Variants in LOXHD1 observed in about 807,000 individuals in gnomAD.
The protein encoded by LOXHD1 is lipoxygenase homology domain-containing protein 1.
Under a neutral mutation model 248.2 loss-of-function variants are expected in LOXHD1, and 205 were observed. That is an observed-to-expected ratio of 0.83 (90% CI 0.74 to 0.93). The LOEUF is 0.93. Among genes scored for constraint, LOXHD1 ranks in the 40% least tolerant of loss-of-function variants. LOXHD1 has a pLI of 0.00. For missense variants in LOXHD1, 2,930 were observed against 2,971.6 expected (o/e 0.99, Z 0.33); for synonymous variants, 1,113 against 1,162.8 (o/e 0.96, Z 0.87).
intron 7 of LOXHD1, among the ~76,000 whole-genome samples, chr18:46,603,079 G>C (rs929089306): frequency 5.9e-5 from 9 of 152,280 alleles, no homozygotes; most frequent in Admixed American, 4.6e-4. Flanking sequence ...GAGCATTTAG[G>C]CTTCTGAACA....
intron 12 of LOXHD1, 146 bp downstream of exon 12, chr18:46,591,787 G>A: frequency 1.0e-6 from 1 of 985,268 alleles, no homozygotes; most frequent in Non-Finnish European, 1.5e-6. Flanking sequence ...CCAGTCTTGA[G>A]GCAGGGACCT....
At chr18:46,530,046 C>T (rs2035995008) in intron 28 of LOXHD1, among the ~76,000 whole-genome samples, 1 of 152,178 alleles carries the variant, frequency 6.6e-6, no homozygotes, top group Non-Finnish European at 1.5e-5. Context: ...AATAAAACAT[C>T]TCCTTTCCTA....
chr18:46,608,255 A>C (rs2038452101), intron 6 of LOXHD1, among the ~76,000 whole-genome samples: 1 of 152,210 alleles, frequency 6.6e-6, no homozygotes, highest in South Asian at 2.1e-4. Flanking sequence ...AAGTTAACGG[A>C]ATACAATCCA....
Position 46,579,632 on chromosome 18 carries a change from T to A in LOXHD1, c.1807A>T (p.Asn603Tyr). Residue 603 changes from asparagine (N) to tyrosine (Y), a missense_variant and splice_region_variant, in exon 13 of 41, where the codon AAT becomes TAT. Coordinates refer to ENST00000642948, the MANE Select transcript of LOXHD1 (RefSeq NM_001384474.1). ...RNNTDLFEKGNADEFTIESVT... is the reference protein window; with the variant it reads ...RNNTDLFEKGYADEFTIESVT... ...TGGGGCACATTGCTGTAACTTACAT[T>A]GCCCTTTTCAAACAGGTCTGTGTTA... 3 of 1,551,686 alleles carry A rather than the reference T, an allele frequency of 1.9e-6. No individual in the cohort carries two copies.
Position 46,518,377 on chromosome 18 carries a change from C to G in LOXHD1, c.5272-121G>C, listed in dbSNP as rs1359040634. 37 of 1,239,692 alleles carry G rather than the reference C, an allele frequency of 3.0e-5. 1 individual carries two copies. The Admixed American group carries it at 8.9e-4, about 30-fold the overall frequency. 76.8% of individuals were successfully genotyped at this position (1,239,692 alleles called of 1,614,324 possible). On this transcript the variant is annotated intron_variant, in intron 33 of 40. Transcript: ENST00000642948. ...AAGTTCCACAGCTCTGGAAAGAGCC[C>G]TTCCTCAAATCAACTGTAAATGCCT... is the stretch of plus-strand genomic sequence containing the variant.
intron 37 of LOXHD1, among the ~76,000 whole-genome samples, chr18:46,494,849 CTTTTTT>C (rs58016824): frequency 1.8e-4 from 17 of 96,550 alleles, no homozygotes; most frequent in South Asian, 7.8e-4. Context: ...TTCTCTCTCT[CTTTTTT>C]TTTTTTTTTT....
intron 16 of LOXHD1, among the ~76,000 whole-genome samples, chr18:46,566,847 T>C (rs1345990928): frequency 6.6e-6 from 1 of 152,228 alleles, no homozygotes; most frequent in Non-Finnish European, 1.5e-5. Flanking sequence ...TTTGGTTTGG[T>C]TTTGAACAAT....
At chr18:46,567,638 C>A (rs1227832980) in intron 16 of LOXHD1, among the ~76,000 whole-genome samples, 1 of 152,254 alleles carries the variant, frequency 6.6e-6, no homozygotes, top group Non-Finnish European at 1.5e-5. Flanking sequence ...CAACACTTCA[C>A]ACCTGACATA....
At position 46,597,542 on chromosome 18, in the gene LOXHD1, GCGCACACACACACA is replaced by G. The variant is rs1248059166; in HGVS notation, c.1135-3090_1135-3077del. ...GGTATATATTTCAATAGTGGTACATGCGCACACACACACACACACACACACACACACACACACCC... is the reference window on the plus strand; with the variant it reads ...GGTATATATTTCAATAGTGGTACATGCACACACACACACACACACACACCC... On this transcript the variant is annotated intron_variant, in intron 8 of 40. Transcript: ENST00000642948. Among the ~76,000 whole-genome samples the G allele has an allele frequency of 1.6e-4, 10 of 61,132 alleles. No individual in the cohort carries two copies. In the South Asian group the frequency reaches 2.8e-3, roughly 17 times the overall value. 40.1% of individuals were successfully genotyped at this position (61,132 alleles called of 152,430 possible).
At chr18:46,548,773 C>A (rs898972430) in intron 21 of LOXHD1, among the ~76,000 whole-genome samples, 2 of 151,940 alleles carry the variant, frequency 1.3e-5, no homozygotes, top group Non-Finnish European at 2.9e-5. Flanking sequence ...AAAGAAAGAG[C>A]CAGGGAGGGA....
At chr18:46,580,586 G>A (rs1204867427) in intron 12 of LOXHD1, among the ~76,000 whole-genome samples, 2 of 152,198 alleles carry the variant, frequency 1.3e-5, no homozygotes, top group Non-Finnish European at 2.9e-5. Flanking sequence ...AGCCTAGTAG[G>A]TGCCAGGCAC....
intron 37 of LOXHD1, among the ~76,000 whole-genome samples, chr18:46,490,423 A>G (rs1427631031): frequency 1.3e-5 from 2 of 152,262 alleles, no homozygotes; most frequent in Non-Finnish European, 2.9e-5. Context: ...AACAGCACCA[A>G]TAGAGTTAAG....
intron 26 of LOXHD1, among the ~76,000 whole-genome samples, chr18:46,535,209 C>A (rs2036254579): frequency 1.3e-5 from 2 of 152,108 alleles, no homozygotes. Flanking sequence ...AAGGCAGGCA[C>A]CATTTTGCTC....
chr18:46,484,938 C>T lies in LOXHD1; in HGVS notation c.6182+81G>A, dbSNP rs2032912977. The T allele has an allele frequency of 1.3e-5, 20 of 1,501,302 alleles. No homozygotes were observed. In the South Asian group the frequency reaches 1.5e-4, roughly 11 times the overall value. 93.0% of individuals were successfully genotyped at this position (1,501,302 alleles called of 1,614,324 possible). A position where few individuals can be genotyped will look rare whatever the true frequency, so the allele number is the denominator to read the frequency against. ...GTTAGGCCCATTTGTGTACCTATGG[C>T]TCCCACCCAAGAGGGAGATTCTCGG... On this transcript the variant is annotated intron_variant, in intron 39 of 40. Coordinates refer to ENST00000642948, the MANE Select transcript of LOXHD1 (RefSeq NM_001384474.1).
At chr18:46,626,319 C>G (rs2144346709) in intron 4 of LOXHD1, among the ~76,000 whole-genome samples, 1 of 150,708 alleles carries the variant, frequency 6.6e-6, no homozygotes, top group Middle Eastern at 3.4e-3. Flanking sequence ...TGGGATTATA[C>G]TTGAAGTCAG....
chr18:46,579,090 CT>C (rs2037912898), intron 13 of LOXHD1, among the ~76,000 whole-genome samples: 1 of 152,224 alleles, frequency 6.6e-6, no homozygotes, highest in African/African-American at 2.4e-5. Context: ...CTTGATTTCT[CT>C]TTCCTAAAGG....
intron 22 of LOXHD1, among the ~76,000 whole-genome samples, chr18:46,545,623 A>ATTTTTTTTTTTTTTTT (rs1555676193): frequency 1.2e-5 from 1 of 86,052 alleles, no homozygotes; most frequent in African/African-American, 4.6e-5. Context: ...CCTCTTGGCC[A>ATTTTTTTTTTTTTTTT]TTTCTTTTTT....
chr18:46,497,413 T>C (rs1383562116), intron 37 of LOXHD1, among the ~76,000 whole-genome samples: 1 of 152,106 alleles, frequency 6.6e-6, no homozygotes, highest in Admixed American at 6.5e-5. Flanking sequence ...TTTTGCATAG[T>C]AGAAAAATGC....
intron 21 of LOXHD1, among the ~76,000 whole-genome samples, chr18:46,556,199 G>T (rs1670040): frequency 6.6e-6 from 1 of 151,950 alleles, no homozygotes; most frequent in Non-Finnish European, 1.5e-5. Flanking sequence ...CAAAGCTGTT[G>T]TTCCAGAGAC....
Sources: allele counts gnomAD v4.1 joint callset (sites outside exome capture counted in the v4.1 genomes callset), GRCh38; gene constraint gnomAD v4.1.1; transcripts MANE v1.5; gene names NCBI Gene and HGNC (gene_info 2026-07-23, HGNC 2026-07-21).